The following EPHA3 variants were observed in gnomAD, a reference collection of about 807,000 sequenced individuals.
EPHA3 encodes the protein EPH receptor A3.
A neutral mutation model predicts 107.1 loss-of-function variants in EPHA3; 42 were observed. The ratio of observed to expected loss-of-function variants is 0.39; its 90% CI spans 0.31 to 0.51. EPHA3 has a LOEUF of 0.51. EPHA3 is among the 20% of genes least tolerant of loss of function. The pLI is 0.78. For missense variants in EPHA3, 1,183 were observed against 1,211.2 expected (o/e 0.98, Z 0.35); for synonymous variants, 461 against 424.8 (o/e 1.09, Z -1.05).
chr3:89,324,656 A>G (rs987176344), intron 3 of EPHA3, among the ~76,000 whole-genome samples: 4 of 152,140 alleles, frequency 2.6e-5, no homozygotes, highest in African/African-American at 9.6e-5. Context: ...AAACATATCT[A>G]TCACTACACA....
At chr3:89,368,516 G>T (rs1181328580) in intron 5 of EPHA3, among the ~76,000 whole-genome samples, 1 of 150,388 alleles carries the variant, frequency 6.6e-6, no homozygotes, top group East Asian at 1.9e-4. Context: ...ATGAACCAGG[G>T]GAGTCAATAG....
Position 89,203,332 on chromosome 3 carries a change from AAAC to A in EPHA3, c.154-6525_154-6523del, listed in dbSNP as rs1415028903. 7.4e-3 allele frequency among the ~76,000 whole-genome samples: 635 copies of A among 85,364 alleles called. 7 individuals carry two copies. The highest frequency in any genetic ancestry group is 0.018 in the African/African-American group (550 of 31,372). 56.0% of individuals were successfully genotyped at this position (85,364 alleles called of 152,430 possible). On this transcript the variant is annotated intron_variant, in intron 2 of 16. Transcript: ENST00000336596. ...CCCTGCTTAGCCGGAATTAAAAAAAAAACAAAACAAAACAAAACAAAAAAAAAA... is the reference window on the plus strand; with the variant it reads ...CCCTGCTTAGCCGGAATTAAAAAAAAAAAACAAAACAAAACAAAAAAAAAA...
At chr3:89,110,020 A>T (rs1210525989) in intron 1 of EPHA3, among the ~76,000 whole-genome samples, 4 of 152,024 alleles carry the variant, frequency 2.6e-5, no homozygotes, top group Non-Finnish European at 4.4e-5. Flanking sequence ...AATGCCAAGT[A>T]TGTGCCAAGA....
chr3:89,414,401 T>G (rs545196815), intron 10 of EPHA3, among the ~76,000 whole-genome samples: 3 of 151,842 alleles, frequency 2.0e-5, no homozygotes, highest in Non-Finnish European at 3.0e-5. Flanking sequence ...TTTTACAATC[T>G]AAGACTTGAG....
At chr3:89,263,550 G>C (rs769726756) in intron 3 of EPHA3, among the ~76,000 whole-genome samples, 9 of 152,136 alleles carry the variant, frequency 5.9e-5, no homozygotes, top group Admixed American at 6.6e-5. Context: ...GGGGCAGGTA[G>C]GTAATCTTCC....
At chr3:89,323,850 A>G (rs529979566) in intron 3 of EPHA3, among the ~76,000 whole-genome samples, 23 of 152,204 alleles carry the variant, frequency 1.5e-4, no homozygotes, top group South Asian at 4.1e-4. Context: ...TTCTCTAGAA[A>G]TCCATATTTT....
rs1199238290 is a variant in EPHA3, at chr3:89,460,823, C to CTCTTTTT, written c.2690+10454_2690+10455insCTTTTTT. 7.3e-3 allele frequency among the ~76,000 whole-genome samples: 745 copies of CTCTTTTT among 102,516 alleles called. 3 individuals carry two copies. Among genetic ancestry groups the CTCTTTTT allele is most frequent in the African/African-American group, 0.024 (650 of 26,890 alleles). The allele number at this position is 102,516 out of a possible 152,430, so 67.3% of individuals were successfully genotyped here. On this transcript the variant is annotated intron_variant, in intron 15 of 16. Transcript: ENST00000336596. Reference sequence around the variant, plus strand: ...ATACCCAAGTGATCTCTCTGTCTCTCTTTTTTTTTTTTTTTATTATACTCT... The same window carrying CTCTTTTT: ...ATACCCAAGTGATCTCTCTGTCTCTCTCTTTTTTTTTTTTTTTTTTTTATTATACTCT...
At chr3:89,450,098 A>G (rs1709955901) in intron 14 of EPHA3, 79 bp from the exon 15 acceptor site, 2 of 1,187,502 alleles carry the variant, frequency 1.7e-6, no homozygotes, top group Non-Finnish European at 2.3e-6. Context: ...CATATTTGTG[A>G]GCCCCGCCCA....
At chr3:89,212,275 T>A (rs1346033397) in intron 3 of EPHA3, among the ~76,000 whole-genome samples, 2 of 152,078 alleles carry the variant, frequency 1.3e-5, no homozygotes, top group African/African-American at 4.8e-5. Flanking sequence ...AAAATTTATT[T>A]GGACCATGTT....
chr3:89,432,749 C>G (rs1709592973), intron 13 of EPHA3, among the ~76,000 whole-genome samples: 2 of 151,958 alleles, frequency 1.3e-5, no homozygotes, highest in Admixed American at 1.3e-4. Flanking sequence ...AATAACTCCT[C>G]TTTTGGCATA....
intron 2 of EPHA3, among the ~76,000 whole-genome samples, chr3:89,198,160 G>T (rs1226686489): frequency 2.6e-5 from 4 of 151,920 alleles, no homozygotes; most frequent in Non-Finnish European, 5.9e-5. Flanking sequence ...GACAAACTTT[G>T]AATTTAAAAT....
chr3:89,400,734 G>T (rs575552807), intron 7 of EPHA3, among the ~76,000 whole-genome samples: 1 of 152,102 alleles, frequency 6.6e-6, no homozygotes, highest in South Asian at 2.1e-4. Context: ...GGTAATAAAT[G>T]TAATGATTGA....
chr3:89,348,082 T>C (rs1052651723), intron 5 of EPHA3, among the ~76,000 whole-genome samples: 2 of 149,498 alleles, frequency 1.3e-5, no homozygotes, highest in Admixed American at 1.3e-4. Context: ...TTCTCTTTTT[T>C]GGTTGTATCT....
chr3:89,444,449 G>A (rs1275362037), intron 13 of EPHA3, among the ~76,000 whole-genome samples: 2 of 151,698 alleles, frequency 1.3e-5, no homozygotes, highest in South Asian at 2.1e-4. Context: ...TAAAGCCAGA[G>A]CAATTTGATA....
At chr3:89,306,199 T>C (rs1257815716) in intron 3 of EPHA3, among the ~76,000 whole-genome samples, 1 of 152,146 alleles carries the variant, frequency 6.6e-6, no homozygotes, top group Admixed American at 6.6e-5. Flanking sequence ...ACACAAAAGA[T>C]AAACCTGAGG....
At chr3:89,130,665 C>T (rs1378055598) in intron 2 of EPHA3, among the ~76,000 whole-genome samples, 2 of 144,928 alleles carry the variant, frequency 1.4e-5, no homozygotes, top group African/African-American at 2.6e-5. Context: ...AATGGAGTCT[C>T]GCTCTGTCAC....
chr3:89,257,447 C>T (rs533057779), intron 3 of EPHA3, among the ~76,000 whole-genome samples: 3 of 152,262 alleles, frequency 2.0e-5, no homozygotes, highest in African/African-American at 7.2e-5. Flanking sequence ...ATCTTTGCCA[C>T]TTCCCCACAC....
chr3:89,418,406 A>T (rs1410403440), intron 10 of EPHA3, among the ~76,000 whole-genome samples: 2 of 151,390 alleles, frequency 1.3e-5, no homozygotes, highest in East Asian at 3.9e-4. Context: ...TAATGAATTG[A>T]TGATTAGTAA....
rs184930654 is a variant in EPHA3, at chr3:89,110,788, C to T, written c.88+2952C>T. On this transcript the variant is annotated intron_variant, in intron 1 of 16. Coordinates refer to ENST00000336596, the MANE Select transcript of EPHA3 (RefSeq NM_005233.6). ...GATGATTAATGGTAAACAGAAATAA[C>T]ATTGGAACAAAGTTAAAACTGGATA... Among the ~76,000 whole-genome samples, 2 of 152,048 alleles carry T rather than the reference C, an allele frequency of 1.3e-5. 1 individual carries two copies. The highest frequency in any genetic ancestry group is 3.9e-4 in the East Asian group (2 of 5,182).
Sources: gnomAD v4.1 joint callset for allele counts (sites outside exome capture counted in the v4.1 genomes callset) on GRCh38, gnomAD v4.1.1 for gene constraint, MANE v1.5 for transcripts, NCBI Gene and HGNC (gene_info 2026-07-23, HGNC 2026-07-21) for gene names.